IL23R: variants seen among roughly 807,000 people sequenced by gnomAD.
IL23R encodes the protein interleukin-23 receptor.
A neutral mutation model predicts 56.9 loss-of-function variants in IL23R; 34 were observed. The observed-to-expected ratio is 0.60, with a 90% CI of 0.45 to 0.80. The LOEUF is 0.80. Ranked by LOEUF, IL23R falls within the 30% of genes least tolerant of loss-of-function variation. The pLI, the probability that IL23R is intolerant of heterozygous loss-of-function variation, is 0.00. For synonymous variants in IL23R, 230 were observed against 249.2 expected, an observed-to-expected ratio of 0.92 and a Z score of 0.73; for missense variants, 635 against 730.0, an observed-to-expected ratio of 0.87 and a Z score of 1.50.
chr1:67,235,116 T>C (rs1570902517), intron 7 of IL23R, among the ~76,000 whole-genome samples: 1 of 152,352 alleles, frequency 6.6e-6, no homozygotes, highest in East Asian at 1.9e-4. Flanking sequence ...CTGTTGGCCA[T>C]CAGGGCATAA....
chr1:67,225,543 G>T (rs190141429), intron 7 of IL23R, among the ~76,000 whole-genome samples: 16 of 145,824 alleles, frequency 1.1e-4, no homozygotes, highest in African/African-American at 3.8e-4. Flanking sequence ...ATACAGTCTC[G>T]CTCTGTCACC....
At chr1:67,159,709 G>T (rs139524510) in intron 1 of IL23R, among the ~76,000 whole-genome samples, 1 of 152,164 alleles carries the variant, frequency 6.6e-6, no homozygotes. Flanking sequence ...AGCATGCTAT[G>T]ATAGTGTCTG....
chr1:67,155,521 G>A (rs1393330826), intron 1 of IL23R, among the ~76,000 whole-genome samples: 1 of 151,944 alleles, frequency 6.6e-6, no homozygotes, highest in African/African-American at 2.4e-5. Context: ...TCTTGTCTGT[G>A]TGTCTTATTT....
intron 6 of IL23R, among the ~76,000 whole-genome samples, chr1:67,217,636 C>T (rs1332492746): frequency 1.3e-5 from 2 of 151,444 alleles, no homozygotes; most frequent in African/African-American, 4.9e-5. Context: ...GTTATATTAA[C>T]ATTGCAGAAA....
At position 67,232,879 on chromosome 1, in the gene IL23R, A is replaced by G. The variant is rs539958870; in HGVS notation, c.956-3834A>G. 3.9e-5 allele frequency among the ~76,000 whole-genome samples: 6 copies of G among 152,006 alleles called. 1 individual carries two copies. In the South Asian group the frequency reaches 1.3e-3, roughly 32 times the overall value. Reference sequence around the variant, plus strand: ...GCAGTCATGCTGTTCTTGTGATAGTAAGTTCTCATGAGATATGATGGTTTT... The same window carrying G: ...GCAGTCATGCTGTTCTTGTGATAGTGAGTTCTCATGAGATATGATGGTTTT... On this transcript the variant is annotated intron_variant, in intron 7 of 10. Transcript: ENST00000347310.
At chr1:67,252,753 CAGATTCAG>C (rs1652710067) in intron 9 of IL23R, among the ~76,000 whole-genome samples, 1 of 145,732 alleles carries the variant, frequency 6.9e-6, no homozygotes, top group African/African-American at 2.6e-5. Flanking sequence ...AGAATCACAG[CAGATTCAG>C]AGAAACTCTA....
chr1:67,215,030 G>A (rs912558039), intron 6 of IL23R, among the ~76,000 whole-genome samples: 2 of 152,100 alleles, frequency 1.3e-5, no homozygotes, highest in African/African-American at 2.4e-5. Flanking sequence ...GTCACGTACC[G>A]CCTGCTTGCT....
At chr1:67,142,530 T>C (rs992282654) in intron 1 of IL23R, among the ~76,000 whole-genome samples, 1 of 152,200 alleles carries the variant, frequency 6.6e-6, no homozygotes, top group African/African-American at 2.4e-5. Flanking sequence ...AGGTATTTTA[T>C]AAATACAGCA....
At chr1:67,206,884 C>CTTT (rs557919248) in intron 5 of IL23R, 26 bp from the exon 6 acceptor site, 12,262 of 1,186,258 alleles carry the variant, frequency 0.01, 83 homozygotes, top group South Asian at 0.024. Flanking sequence ...ACAGCCAGGT[C>CTTT]TTTTTTTTTT....
chr1:67,162,143 TAAA>T (rs905318988), upstream of IL23R, among the ~76,000 whole-genome samples: 16 of 144,178 alleles, frequency 1.1e-4, no homozygotes, highest in African/African-American at 3.8e-4. Flanking sequence ...ATCCAATGTT[TAAA>T]AAAAAAAAAG....
Position 67,169,620 on chromosome 1 carries a change from A to G in IL23R, c.349A>G (p.Lys117Glu). The change falls in exon 3 of 11, where the codon AAA (lysine) becomes GAA (glutamate). Residue 117 changes from lysine (K) to glutamate (E), a missense_variant. Coordinates refer to ENST00000347310, the MANE Select transcript of IL23R (RefSeq NM_144701.3). Reference protein sequence around the residue: ...KHFQETLICGKDISSGYPPDI... With the variant: ...KHFQETLICGEDISSGYPPDI... ...TTTTCAAGAGACACTGATATGTGGA[A>G]AAGACATTTCTTCTGGATGTAAGTG... 1 of 1,614,116 alleles carries G rather than the reference A, an allele frequency of 6.2e-7. No individual in the cohort carries two copies.
At chr1:67,264,052 C>G (rs1409258159), downstream of IL23R, among the ~76,000 whole-genome samples, 1 of 152,172 alleles carries the variant, frequency 6.6e-6, no homozygotes, top group East Asian at 1.9e-4. Flanking sequence ...ACTTAGGAGA[C>G]TGGGATGCTG....
intron 5 of IL23R, among the ~76,000 whole-genome samples, chr1:67,204,616 G>T (rs975628628): frequency 1.3e-5 from 2 of 152,116 alleles, no homozygotes; most frequent in Admixed American, 6.5e-5. Flanking sequence ...TAGAATGCTT[G>T]TGCTGCTATA....
rs1409295814 is a variant in IL23R at position 67,219,562 on chromosome 1, C to T, written c.799-12C>T. The T allele has an allele frequency of 8.1e-6, 13 of 1,611,630 alleles. No individual in the cohort carries two copies. The Admixed American group carries it at 1.2e-4, about 14-fold the overall frequency. On this transcript the variant is annotated splice_polypyrimidine_tract_variant and intron_variant, in intron 6 of 10. Transcript: ENST00000347310. ...CACACCACATTTTATTATTGTTACC[C>T]ATCCATTTTAGGTTAAAGAATTTGA... is the stretch of plus-strand genomic sequence containing the variant.
intron 6 of IL23R, among the ~76,000 whole-genome samples, chr1:67,219,095 G>A (rs988649295): frequency 6.6e-6 from 1 of 151,854 alleles, no homozygotes; most frequent in Non-Finnish European, 1.5e-5. Flanking sequence ...GGCTGGGCAC[G>A]GTGGCTCACA....
intron 1 of IL23R, among the ~76,000 whole-genome samples, chr1:67,147,390 C>T (rs1449803407): frequency 6.6e-6 from 1 of 152,086 alleles, no homozygotes; most frequent in Non-Finnish European, 1.5e-5. Flanking sequence ...AATATAAGCA[C>T]AATAGAAGGA....
intron 6 of IL23R, among the ~76,000 whole-genome samples, chr1:67,216,698 C>A (rs898795044): frequency 2.6e-5 from 4 of 152,066 alleles, no homozygotes; most frequent in African/African-American, 9.7e-5. Flanking sequence ...AAATTTCTTT[C>A]AACCATTTAA....
chr1:67,228,781 C>G (rs781638175), intron 7 of IL23R, among the ~76,000 whole-genome samples: 3 of 152,096 alleles, frequency 2.0e-5, no homozygotes, highest in Non-Finnish European at 4.4e-5. Context: ...TTTTCAAAGC[C>G]AGAAGCATAG....
intron 1 of IL23R, among the ~76,000 whole-genome samples, chr1:67,160,406 C>T (rs1012634644): frequency 1.3e-5 from 2 of 152,236 alleles, no homozygotes; most frequent in African/African-American, 4.8e-5. Context: ...GTAAAAACCA[C>T]TGAAGACCAT....
Sources: gnomAD v4.1 joint callset for allele counts (sites outside exome capture counted in the v4.1 genomes callset) on GRCh38, gnomAD v4.1.1 for gene constraint, MANE v1.5 for transcripts, NCBI Gene and HGNC (gene_info 2026-07-23, HGNC 2026-07-21) for gene names.